LRRN3: variants seen among roughly 807,000 people sequenced by gnomAD.
LRRN3 encodes leucine-rich repeat neuronal protein 3.
A neutral mutation model predicts 40.1 loss-of-function variants in LRRN3; 15 were observed. That is an observed-to-expected ratio of 0.37 (90% confidence interval 0.25 to 0.58). LRRN3 has a LOEUF of 0.58. Ranked by LOEUF, LRRN3 falls within the 20% of genes least tolerant of loss-of-function variation. The probability of loss-of-function intolerance (pLI) is 0.72; values close to 1 mark genes in which losing one functional copy is unlikely to be tolerated. For synonymous variants in LRRN3, 308 were observed against 297.2 expected (o/e 1.04, Z -0.37); for missense variants, 746 against 837.7 (o/e 0.89, Z 1.35).
rs1286629657 is a variant in LRRN3 at position 111,125,328 on chromosome 7, T to C, written c.*429T>C. 5.9e-6 allele frequency: 1 copy of C among 170,302 alleles called. No individual in the cohort carries two copies. Among genetic ancestry groups the C allele is most frequent in the Non-Finnish European group, 1.4e-5 (1 of 70,542 alleles). 10.5% of individuals were successfully genotyped at this position (170,302 alleles called of 1,614,324 possible). Reference sequence around the variant, plus strand: ...TGAATTGACACGTGGTGTAATAAAATGGACAAATTCTGTAGAGTAGACACA... The same window carrying C: ...TGAATTGACACGTGGTGTAATAAAACGGACAAATTCTGTAGAGTAGACACA... On this transcript the variant is annotated 3_prime_UTR_variant, in exon 3 of 3. Coordinates refer to ENST00000308478, the MANE Select transcript of LRRN3 (RefSeq NM_001099658.2).
chr7:111,123,697 C>A lies in LRRN3; in HGVS notation c.925C>A (p.Pro309Thr). 4 of 1,613,776 alleles carry A rather than the reference C, an allele frequency of 2.5e-6. No homozygotes were observed. The highest frequency in any genetic ancestry group is 4.5e-5 in the East Asian group (2 of 44,864). Reference sequence around the variant, plus strand: ...CGATAGTCTTGCTGTGGATAACCTGCCAGATTTAAGAAAAATAGAAGCTAC... The same window carrying A: ...CGATAGTCTTGCTGTGGATAACCTGACAGATTTAAGAAAAATAGAAGCTAC... ...SIDSLAVDNL[P>T]DLRKIEATNN... The change falls in exon 3 of 3, where the codon CCA becomes ACA. Residue 309 changes from proline to threonine, a missense_variant. Pro to Thr is a conservative substitution (Grantham distance 38). Coordinates refer to ENST00000308478, the MANE Select transcript of LRRN3 (RefSeq NM_001099658.2). This position sits in a 1 kb window ranked among gnomAD's most constrained non-coding sequence, Gnocchi z 6.4.
intron 2 of LRRN3, among the ~76,000 whole-genome samples, chr7:111,120,866 A>G (rs1170465926): frequency 6.6e-6 from 1 of 152,036 alleles, no homozygotes; most frequent in Admixed American, 6.6e-5. Context: ...TTGAATCGCA[A>G]TCTAACTCAT....
At chr7:111,098,395 G>A (rs112985493) in intron 1 of LRRN3, among the ~76,000 whole-genome samples, 2 of 151,842 alleles carry the variant, frequency 1.3e-5, no homozygotes, top group African/African-American at 2.4e-5. Context: ...CAAAATTTAT[G>A]TAAATATCAA....
chr7:111,121,650 A>C lies in LRRN3; in HGVS notation c.-358-765A>C, dbSNP rs36200575. Among the ~76,000 whole-genome samples the C allele has an allele frequency of 1.7e-3, 262 of 152,346 alleles. 1 individual carries two copies. The highest frequency in any genetic ancestry group is 3.0e-3 in the Non-Finnish European group (202 of 68,036). On this transcript the variant is annotated intron_variant, in intron 2 of 2. Transcript: ENST00000308478. ...GTTGGTGGGGCTGTAAACTAGTTCA[A>C]CCATTGTAGAAGACAGTGTGGCGAT...
chr7:111,108,506 C>G (rs999355364), intron 2 of LRRN3, among the ~76,000 whole-genome samples: 4 of 152,002 alleles, frequency 2.6e-5, no homozygotes, highest in African/African-American at 9.7e-5. Flanking sequence ...AACTATATCT[C>G]AAGTAAAAAA....
At position 111,124,218 on chromosome 7, in the gene LRRN3, T is replaced by C. The variant is rs774816173; in HGVS notation, c.1446T>C (p.Asp482=). Residue 482 remains aspartate, a synonymous_variant, in exon 3 of 3, where the codon GAT becomes GAC. Coordinates refer to ENST00000308478, the MANE Select transcript of LRRN3 (RefSeq NM_001099658.2). ...KFYVHSEGTL[D]INGVTPKEGG... is the part of the protein sequence containing the mutation. ...ATGTCCATTCTGAGGGAACACTAGA[T>C]ATAAATGGCGTAACTCCCAAAGAAG... 5 of 1,614,020 alleles carry C rather than the reference T, an allele frequency of 3.1e-6. No homozygotes were observed. In the East Asian group the frequency reaches 8.9e-5, roughly 29 times the overall value.
intron 2 of LRRN3, among the ~76,000 whole-genome samples, chr7:111,103,045 G>A (rs1798151174): frequency 6.6e-6 from 1 of 151,446 alleles, no homozygotes; most frequent in Non-Finnish European, 1.5e-5. Flanking sequence ...ATTGATCATA[G>A]TGACTTCACA....
chr7:111,118,223 G>T (rs1027808597), intron 2 of LRRN3, among the ~76,000 whole-genome samples: 15 of 152,008 alleles, frequency 9.9e-5, no homozygotes, highest in Admixed American at 7.2e-4. Context: ...ATTTATTGCT[G>T]ACTTTCCAGT....
chr7:111,115,789 T>C (rs1041246354), intron 2 of LRRN3, among the ~76,000 whole-genome samples: 1 of 152,056 alleles, frequency 6.6e-6, no homozygotes, highest in African/African-American at 2.4e-5. Flanking sequence ...TGCCTCAGCC[T>C]CCCGAGTAGC....
intron 2 of LRRN3, among the ~76,000 whole-genome samples, chr7:111,105,299 T>C (rs767720950): frequency 5.9e-5 from 9 of 151,880 alleles, no homozygotes; most frequent in Non-Finnish European, 1.3e-4. Context: ...GAATCTGACA[T>C]CTAGTTATTT....
intron 2 of LRRN3, among the ~76,000 whole-genome samples, chr7:111,108,701 A>G (rs1360026347): frequency 1.3e-5 from 2 of 152,150 alleles, no homozygotes; most frequent in East Asian, 3.9e-4. Flanking sequence ...TAAAAAAAAC[A>G]TATTTATTTC....
At position 111,124,172 on chromosome 7, in the gene LRRN3, A is replaced by G. The variant is rs756160395; in HGVS notation, c.1400A>G (p.Asn467Ser). 6.2e-7 allele frequency: 1 copy of G among 1,613,984 alleles called. No individual in the cohort carries two copies. Among genetic ancestry groups the G allele is most frequent in the Admixed American group, 1.7e-5 (1 of 59,976 alleles). ...ITPSGQKLLP[N>S]TLTDKFYVHS... ...CCTTCTGGTCAAAAACTCTTGCCTA[A>G]TACCCTGACAGACAAGTTCTATGTC... The change falls in exon 3 of 3, where the codon AAT (asparagine) becomes AGT (serine). Residue 467 changes from asparagine to serine, a missense_variant. Asn to Ser is a conservative substitution (Grantham distance 46). Coordinates refer to ENST00000308478, the MANE Select transcript of LRRN3 (RefSeq NM_001099658.2).
At chr7:111,113,775 A>G (rs893154960) in intron 2 of LRRN3, among the ~76,000 whole-genome samples, 4 of 152,158 alleles carry the variant, frequency 2.6e-5, no homozygotes, top group African/African-American at 9.7e-5. Flanking sequence ...CTGTCATTCA[A>G]GCAGGGGAAT....
At chr7:111,113,999 A>G (rs183969114) in intron 2 of LRRN3, among the ~76,000 whole-genome samples, 1 of 152,326 alleles carries the variant, frequency 6.6e-6, no homozygotes, top group East Asian at 1.9e-4. Context: ...GGCCTAATTA[A>G]ATCCCTCTAA....
At chr7:111,111,510 C>A (rs1799201308) in intron 2 of LRRN3, among the ~76,000 whole-genome samples, 1 of 151,764 alleles carries the variant, frequency 6.6e-6, no homozygotes, top group African/African-American at 2.4e-5. Flanking sequence ...TACTATGCCA[C>A]TCTTTTGGGG....
In LRRN3 at chr7:111,091,397, A is replaced by G. The variant is rs1171732315; in HGVS notation, c.-548A>G. On this transcript the variant is annotated 5_prime_UTR_variant, in exon 1 of 3. Coordinates refer to ENST00000308478, the MANE Select transcript of LRRN3 (RefSeq NM_001099658.2). ...GTTACACAGACACACAAATGCACCT[A>G]TTTATACCGGGCAAGAACACAACCA... 6 of 152,140 alleles carry G rather than the reference A, an allele frequency of 3.9e-5. No individual in the cohort carries two copies. Among genetic ancestry groups the G allele is most frequent in the Non-Finnish European group, 8.8e-5 (6 of 68,016 alleles). The allele number at this position is 152,140 out of a possible 1,614,324, so 9.4% of individuals were successfully genotyped here. A position where few individuals can be genotyped will look rare whatever the true frequency, so the allele number is the denominator to read the frequency against.
chr7:111,121,391 T>C (rs1217926466), intron 2 of LRRN3, among the ~76,000 whole-genome samples: 2 of 152,202 alleles, frequency 1.3e-5, no homozygotes, highest in Non-Finnish European at 1.5e-5. Context: ...TTGGCTTTTG[T>C]TGCCATTGCT....
At chr7:111,111,942 GTTTTTTTTTTTTT>G (rs748410980) in intron 2 of LRRN3, among the ~76,000 whole-genome samples, 1 of 84,110 alleles carries the variant, frequency 1.2e-5, no homozygotes, top group Non-Finnish European at 2.2e-5. Context: ...TATATAGTTT[GTTTTTTTTTTTTT>G]TTTTTTTTTT....
intron 2 of LRRN3, among the ~76,000 whole-genome samples, chr7:111,102,934 A>G (rs1303646820): frequency 6.6e-6 from 1 of 151,462 alleles, no homozygotes; most frequent in Non-Finnish European, 1.5e-5. Context: ...TTTCCCCTTA[A>G]AAGACCATAT....
Sources: gnomAD v4.1 joint callset for allele counts (sites outside exome capture counted in the v4.1 genomes callset) on GRCh38, gnomAD v4.1.1 for gene constraint, Gnocchi (gnomAD v3.1) non-coding constraint, MANE v1.5 for transcripts, NCBI Gene and HGNC (gene_info 2026-07-23, HGNC 2026-07-21) for gene names.